Variants in GRID2 observed in about 807,000 individuals in gnomAD.
The protein encoded by GRID2 is glutamate ionotropic receptor delta type subunit 2.
Under a neutral mutation model 114.8 loss-of-function variants are expected in GRID2, and 33 were observed. The observed-to-expected ratio is 0.29, with a 90% CI of 0.22 to 0.38. The LOEUF (loss-of-function observed/expected upper bound fraction) is 0.38. GRID2 is among the 10% of genes least tolerant of loss of function. GRID2 has a pLI of 1.00. For synonymous variants in GRID2, 505 were observed against 449.9 expected, an observed-to-expected ratio of 1.12 and a Z score of -1.55; for missense variants, 1,184 against 1,257.7, an observed-to-expected ratio of 0.94 and a Z score of 0.89.
intron 13 of GRID2, among the ~76,000 whole-genome samples, chr4:93,588,762 T>A (rs1346069548): frequency 6.6e-6 from 1 of 152,152 alleles, no homozygotes; most frequent in African/African-American, 2.4e-5. Flanking sequence ...GCCTGAGAAA[T>A]GTTTAAAAAT....
chr4:92,812,496 A>G (rs1010163188), intron 2 of GRID2, among the ~76,000 whole-genome samples: 1 of 152,078 alleles, frequency 6.6e-6, no homozygotes, highest in African/African-American at 2.4e-5. Context: ...CATCATATAA[A>G]TGCAAATTTT....
At chr4:93,057,440 G>T (rs569285691) in intron 2 of GRID2, among the ~76,000 whole-genome samples, 82 of 151,828 alleles carry the variant, frequency 5.4e-4, no homozygotes, top group African/African-American at 1.4e-3. Context: ...TGTTGTTGTT[G>T]TTCATTCCCT....
chr4:92,950,112 C>G (rs2149132791), intron 2 of GRID2, among the ~76,000 whole-genome samples: 1 of 152,260 alleles, frequency 6.6e-6, no homozygotes, highest in Middle Eastern at 3.4e-3. Context: ...CTCTGGCCAG[C>G]TACACACGTT....
chr4:93,681,403 T>G (rs531940227), intron 14 of GRID2, among the ~76,000 whole-genome samples: 1 of 151,508 alleles, frequency 6.6e-6, no homozygotes, highest in African/African-American at 2.4e-5. Context: ...ACCAATGACT[T>G]TCTTCACAGA....
At chr4:93,077,483 T>G (rs1199589755) in intron 2 of GRID2, among the ~76,000 whole-genome samples, 1 of 152,184 alleles carries the variant, frequency 6.6e-6, no homozygotes, top group African/African-American at 2.4e-5. Context: ...AATAATCAGT[T>G]TCAAATCCAA....
intron 14 of GRID2, among the ~76,000 whole-genome samples, chr4:93,676,568 A>C (rs1264765993): frequency 6.6e-6 from 1 of 152,168 alleles, no homozygotes; most frequent in Non-Finnish European, 1.5e-5. Flanking sequence ...ATGGTTACAA[A>C]TTATGGGATT....
At chr4:92,806,168 C>CAT (rs1491319058) in intron 2 of GRID2, among the ~76,000 whole-genome samples, 2 of 83,812 alleles carry the variant, frequency 2.4e-5, no homozygotes, top group African/African-American at 1.2e-4. Context: ...AGGCTATCGA[C>CAT]ACACACACAC....
chr4:93,776,338 A>G (rs1734369263), downstream of GRID2, among the ~76,000 whole-genome samples: 1 of 152,244 alleles, frequency 6.6e-6, no homozygotes, highest in Non-Finnish European at 1.5e-5. Flanking sequence ...CTTATGAGGC[A>G]GCATATGTGA....
rs974422699 is a variant in GRID2, at chr4:93,629,065, C to T, written c.2360+2630C>T. Among the ~76,000 whole-genome samples the T allele has an allele frequency of 2.6e-5, 4 of 152,160 alleles. No homozygotes were observed. In the South Asian group the frequency reaches 6.2e-4, roughly 24 times the overall value. The stretch of plus-strand genomic sequence containing the variant: ...TACAGGCATGAGCCACCGCGCCCAG[C>T]GATTTTCTGGATTTTTTATGTAAAA... On this transcript the variant is annotated intron_variant, in intron 14 of 15. Transcript: ENST00000282020.
intron 14 of GRID2, among the ~76,000 whole-genome samples, chr4:93,662,654 T>TG (rs938261400): frequency 6.6e-6 from 1 of 151,994 alleles, no homozygotes; most frequent in African/African-American, 2.4e-5. Context: ...AAGAGATGAG[T>TG]GGTGAATCTC....
At chr4:93,269,772 A>G (rs554594305) in intron 8 of GRID2, among the ~76,000 whole-genome samples, 1 of 152,312 alleles carries the variant, frequency 6.6e-6, no homozygotes, top group African/African-American at 2.4e-5. Context: ...CAGGGACTTG[A>G]GTCTTTATAA....
chr4:92,939,831 C>T (rs1452885808), intron 2 of GRID2, among the ~76,000 whole-genome samples: 3 of 147,156 alleles, frequency 2.0e-5, no homozygotes, highest in Non-Finnish European at 4.5e-5. Flanking sequence ...GAATCCTTTC[C>T]TCATTTCTTG....
At chr4:92,654,946 C>A (rs1361177966) in intron 2 of GRID2, among the ~76,000 whole-genome samples, 2 of 151,800 alleles carry the variant, frequency 1.3e-5, no homozygotes, top group African/African-American at 4.8e-5. Flanking sequence ...GAGGTCTTAG[C>A]CATAAAATCT....
intron 14 of GRID2, among the ~76,000 whole-genome samples, chr4:93,754,284 T>G (rs960813198): frequency 2.0e-5 from 3 of 152,160 alleles, no homozygotes; most frequent in African/African-American, 7.2e-5. Context: ...GAATATTGGG[T>G]CACAGTACAA....
chr4:93,076,610 CTTTTTTTTTT>C (rs56357327), intron 2 of GRID2, among the ~76,000 whole-genome samples: 1 of 96,982 alleles, frequency 1.0e-5, no homozygotes, highest in African/African-American at 4.3e-5. Context: ...TCACCAACCT[CTTTTTTTTTT>C]TTTTTTTTTT....
chr4:92,400,702 G>T (rs944980700), intron 1 of GRID2, among the ~76,000 whole-genome samples: 23 of 152,006 alleles, frequency 1.5e-4, no homozygotes, highest in Non-Finnish European at 3.1e-4. Flanking sequence ...CAAAATGACT[G>T]CGCCATTTTA....
downstream of GRID2, among the ~76,000 whole-genome samples, chr4:93,779,424 T>G (rs530128833): frequency 1.3e-5 from 2 of 152,242 alleles, no homozygotes; most frequent in South Asian, 4.2e-4. Context: ...TACTGAAGCT[T>G]TGATCCTCTC....
chr4:93,224,378 A>G (rs1477409945), intron 6 of GRID2, among the ~76,000 whole-genome samples: 3 of 152,050 alleles, frequency 2.0e-5, no homozygotes, highest in East Asian at 1.9e-4. Flanking sequence ...TCCTTTTTTA[A>G]TCTTCTCTTT....
At chr4:93,231,298 A>G (rs777192905) in intron 7 of GRID2, among the ~76,000 whole-genome samples, 1 of 151,034 alleles carries the variant, frequency 6.6e-6, no homozygotes, top group Non-Finnish European at 1.5e-5. Flanking sequence ...TCATTCATGT[A>G]TTAATCACTC....
Sources: allele counts gnomAD v4.1 joint callset (sites outside exome capture counted in the v4.1 genomes callset), GRCh38; gene constraint gnomAD v4.1.1; transcripts MANE v1.5; gene names NCBI Gene and HGNC (gene_info 2026-07-23, HGNC 2026-07-21).